Variants in ADRA1B observed in about 807,000 individuals in gnomAD.
The protein encoded by ADRA1B is alpha-1B adrenergic receptor.
ADRA1B carries 17 observed loss-of-function variants against 17.9 expected under a neutral mutation model. The observed-to-expected ratio is 0.95, with a 90% CI of 0.65 to 1.42. ADRA1B has a LOEUF of 1.42. Ranked by LOEUF, ADRA1B falls within the 40% of genes most tolerant of loss-of-function variation. The pLI, the probability that ADRA1B is intolerant of heterozygous loss-of-function variation, is 0.00. For synonymous variants in ADRA1B, 366 were observed against 327.6 expected (o/e 1.12, Z -1.27); for missense variants, 681 against 722.1 (o/e 0.94, Z 0.65).
At chr5:159,924,012 C>G (rs527397824) in intron 1 of ADRA1B, among the ~76,000 whole-genome samples, 1 of 152,280 alleles carries the variant, frequency 6.6e-6, no homozygotes, top group Non-Finnish European at 1.5e-5. Context: ...GTCTATCAAA[C>G]ACCACATTTG....
chr5:159,898,826 T>C (rs1754063920), intron 1 of ADRA1B, among the ~76,000 whole-genome samples: 1 of 152,164 alleles, frequency 6.6e-6, no homozygotes, highest in Admixed American at 6.6e-5. Context: ...ATGGATTTTA[T>C]TTAGTTCAAG....
At chr5:159,974,174 TC>T (rs139372569), downstream of ADRA1B, among the ~76,000 whole-genome samples, 5,159 of 152,230 alleles carry the variant, frequency 0.034, 321 homozygotes, top group African/African-American at 0.12. Context: ...GTCAAGTTAC[TC>T]ACAGTCTCTT....
intron 1 of ADRA1B, among the ~76,000 whole-genome samples, chr5:159,932,342 G>A (rs116361638): frequency 0.028 from 4,185 of 151,942 alleles, 190 homozygotes; most frequent in African/African-American, 0.095. Flanking sequence ...TTTTTCTGTC[G>A]AGATGGGGTC....
chr5:159,899,698 T>C, intron 1 of ADRA1B, among the ~76,000 whole-genome samples: 1 of 152,176 alleles, frequency 6.6e-6, no homozygotes, highest in Non-Finnish European at 1.5e-5. Context: ...TGATGCCTTA[T>C]GGAAATGAAA....
Position 159,916,929 on chromosome 5 carries a change from C to G in ADRA1B, c.24C>G (p.Gly8=). The G allele has an allele frequency of 6.2e-7, 1 of 1,613,184 alleles. No individual in the cohort carries two copies. Among genetic ancestry groups the G allele is most frequent in the Non-Finnish European group, 8.5e-7 (1 of 1,179,518 alleles). The stretch of plus-strand genomic sequence containing the variant: ...AGATGAATCCCGACCTGGACACCGG[C>G]CACAACACATCAGCACCTGCCCACT... MNPDLDT[G]HNTSAPAHWG... Residue 8 remains glycine, a synonymous_variant, in exon 1 of 2, where the codon GGC becomes GGG. Transcript: ENST00000306675.
chr5:159,923,776 G>A (rs999659037), intron 1 of ADRA1B, among the ~76,000 whole-genome samples: 1 of 152,252 alleles, frequency 6.6e-6, no homozygotes, highest in African/African-American at 2.4e-5. Flanking sequence ...CCCCATTGTA[G>A]ACCTCTTGCA....
intron 1 of ADRA1B, chr5:159,869,521 AG>A (rs1753708166): frequency 6.6e-6 from 1 of 152,244 alleles, no homozygotes; most frequent in Non-Finnish European, 1.5e-5. Flanking sequence ...TCCCATTGCA[AG>A]AAGTATTTCA....
intron 1 of ADRA1B, among the ~76,000 whole-genome samples, chr5:159,954,835 G>A (rs1304533375): frequency 6.6e-6 from 1 of 152,166 alleles, no homozygotes; most frequent in Non-Finnish European, 1.5e-5. Flanking sequence ...TTTTATCATT[G>A]AGATTCTCAG....
At chr5:159,918,998 A>C (rs1463790420) in intron 1 of ADRA1B, among the ~76,000 whole-genome samples, 1 of 152,198 alleles carries the variant, frequency 6.6e-6, no homozygotes, top group Non-Finnish European at 1.5e-5. Flanking sequence ...CTCAGGTCAG[A>C]CCCAAATATA....
At chr5:159,950,085 C>T (rs1412741787) in intron 1 of ADRA1B, among the ~76,000 whole-genome samples, 1 of 152,326 alleles carries the variant, frequency 6.6e-6, no homozygotes, top group South Asian at 2.1e-4. Context: ...GACCAGAGCA[C>T]GTGCTCCCTG....
rs560411584 is a variant in ADRA1B, at chr5:159,903,481, C to A, written c.-255-12638C>A. 9.2e-5 allele frequency among the ~76,000 whole-genome samples: 14 copies of A among 152,308 alleles called. No homozygotes were observed. In the East Asian group the frequency reaches 2.7e-3, roughly 29 times the overall value. On this transcript the variant is annotated intron_variant, in intron 1 of 2. Transcript: ENST00000641205. ...AGTAGGAGTAGTGGTATATTATCCT[C>A]ACTATGATCCTCCAAGTGTTATCCC...
chr5:159,908,175 T>C (rs1386570130), intron 1 of ADRA1B, among the ~76,000 whole-genome samples: 1 of 152,226 alleles, frequency 6.6e-6, no homozygotes, highest in African/African-American at 2.4e-5. Flanking sequence ...CATATTTGTG[T>C]TGTGCACACA....
At chr5:159,885,766 G>T (rs1753917238) in intron 1 of ADRA1B, among the ~76,000 whole-genome samples, 1 of 152,176 alleles carries the variant, frequency 6.6e-6, no homozygotes, top group African/African-American at 2.4e-5. Context: ...TGAGCTGGAG[G>T]TTTGATGAGC....
intron 1 of ADRA1B, among the ~76,000 whole-genome samples, chr5:159,967,506 G>T (rs1014424512): frequency 6.6e-6 from 1 of 152,114 alleles, no homozygotes; most frequent in Non-Finnish European, 1.5e-5. Context: ...ATTTTACATG[G>T]ATATTTTCAT....
In ADRA1B at chr5:159,907,606, G is replaced by A. The variant is rs528493304; in HGVS notation, c.-255-8513G>A. Among the ~76,000 whole-genome samples, 9 of 152,232 alleles carry A rather than the reference G, an allele frequency of 5.9e-5. No homozygotes were observed. In the South Asian group the frequency reaches 1.2e-3, roughly 21 times the overall value. ...TCTGTACCTAAATACTCCAGATACT[G>A]AGAAATCTTTTGTGTGTTTTTAAGA... On this transcript the variant is annotated intron_variant, in intron 1 of 2. Coordinates refer to the ADRA1B transcript ENST00000641205.
At chr5:159,973,972 T>G (rs1191963657), downstream of ADRA1B, among the ~76,000 whole-genome samples, 1 of 152,232 alleles carries the variant, frequency 6.6e-6, no homozygotes, top group Non-Finnish European at 1.5e-5. Context: ...TTCTTTCTAC[T>G]TTGCTTTTCT....
chr5:159,880,973 A>C (rs905276287), intron 1 of ADRA1B, among the ~76,000 whole-genome samples: 5 of 152,174 alleles, frequency 3.3e-5, no homozygotes, highest in African/African-American at 1.2e-4. Context: ...GACTTGTTTC[A>C]TTAAATCTTT....
chr5:159,873,842 C>G (rs1041074920), intron 1 of ADRA1B, among the ~76,000 whole-genome samples: 4 of 152,120 alleles, frequency 2.6e-5, no homozygotes, highest in African/African-American at 9.7e-5. Context: ...AATGATGAGG[C>G]ACTCCATCAT....
intron 1 of ADRA1B, among the ~76,000 whole-genome samples, chr5:159,965,868 G>A (rs1755768480): frequency 6.6e-6 from 1 of 152,034 alleles, no homozygotes; most frequent in Non-Finnish European, 1.5e-5. Flanking sequence ...ACACAGACCA[G>A]GCTGTAGAGC....
Sources: allele counts gnomAD v4.1 joint callset (sites outside exome capture counted in the v4.1 genomes callset), GRCh38; gene constraint gnomAD v4.1.1; transcripts MANE v1.5; gene names NCBI Gene and HGNC (gene_info 2026-07-23, HGNC 2026-07-21).